DNAH11: variants seen among roughly 807,000 people sequenced by gnomAD.
The protein encoded by DNAH11 is dynein axonemal heavy chain 11, also known as axonemal beta dynein heavy chain 11.
DNAH11 carries 442 observed loss-of-function variants against 526.0 expected under a neutral mutation model. The observed-to-expected ratio is 0.84, with a 90% CI of 0.78 to 0.91. The LOEUF (loss-of-function observed/expected upper bound fraction) is 0.91, where lower values mean the gene tolerates loss of function less well. DNAH11 is among the 40% of genes least tolerant of loss of function. DNAH11 has a pLI of 0.00. For missense variants in DNAH11, 6,989 were observed against 5,448.7 expected, an observed-to-expected ratio of 1.28 and a Z score of -8.90; for synonymous variants, 2,461 against 1,935.9, an observed-to-expected ratio of 1.27 and a Z score of -7.12.
chr7:21,719,721 A>C (rs1784803310), intron 43 of DNAH11, among the ~76,000 whole-genome samples: 1 of 152,224 alleles, frequency 6.6e-6, no homozygotes, highest in Non-Finnish European at 1.5e-5. Context: ...ATTTAAATGA[A>C]AAGTATTTCC....
At chr7:21,606,830 G>A in intron 20 of DNAH11, 97 bp downstream of exon 20, 2 of 1,068,756 alleles carry the variant, frequency 1.9e-6, no homozygotes, top group Non-Finnish European at 2.7e-6. Context: ...TCTTTGTTTT[G>A]CTGTTATAGG....
chr7:21,765,371 T>C (rs956921662), intron 54 of DNAH11, 57 bp from the exon 55 acceptor site: 1 of 1,609,106 alleles, frequency 6.2e-7, no homozygotes, highest in Non-Finnish European at 8.5e-7. Context: ...GATTGCAATG[T>C]AATTCTCTGC....
At chr7:21,679,238 G>A (rs1783041466) in intron 30 of DNAH11, among the ~76,000 whole-genome samples, 1 of 152,156 alleles carries the variant, frequency 6.6e-6, no homozygotes, top group South Asian at 2.1e-4. Context: ...AGAGGATAGG[G>A]ATGGGGGAAA....
At chr7:21,888,908 C>A (rs190960057) in intron 76 of DNAH11, among the ~76,000 whole-genome samples, 1 of 152,232 alleles carries the variant, frequency 6.6e-6, no homozygotes, top group African/African-American at 2.4e-5. Flanking sequence ...AATTTGCACA[C>A]TGTAACATTT....
At position 21,635,715 on chromosome 7, in the gene DNAH11, C is replaced by T. The variant is rs1287574894; in HGVS notation, c.4501-156C>T. ...ATTTACTACCATTAATTCACTCATT[C>T]ACTCATTTAGCAAAAACTTATTAAA... On this transcript the variant is annotated intron_variant, in intron 25 of 81. Transcript: ENST00000409508. 3.9e-5 allele frequency among the ~76,000 whole-genome samples: 6 copies of T among 152,130 alleles called. No individual in the cohort carries two copies. The South Asian group carries it at 6.2e-4, about 16-fold the overall frequency.
Position 21,816,637 on chromosome 7 carries a change from G to A in DNAH11, c.10503G>A (p.Gln3501=). 7 of 1,613,686 alleles carry A rather than the reference G, an allele frequency of 4.3e-6. No homozygotes were observed. The highest frequency in any genetic ancestry group is 5.1e-6 in the Non-Finnish European group (6 of 1,179,790). Residue 3501 remains glutamine (Q), a synonymous_variant, in exon 64 of 82, where the codon CAG becomes CAA. Coordinates refer to ENST00000409508, the MANE Select transcript of DNAH11 (RefSeq NM_001277115.2). The stretch of plus-strand genomic sequence containing the variant: ...CTCTGGTGATAGATCCCCAGCAACA[G>A]GGAATTAAGTGGATCAAGAATAAGT... The part of the protein sequence containing the change: ...RWPLVIDPQQ[Q]GIKWIKNKYG...
At position 21,901,016 on chromosome 7, in the gene DNAH11, G is replaced by A. The variant is rs1784790339; in HGVS notation, c.13313G>A (p.Trp4438Ter). ...TGTGTTTTTGCCATAGGCGCCCGCT[G>A]GGACACCCAAGCAGGAACCATTGTT... ...LHGLFMEGAR[W>*]DTQAGTIVEA... Residue 4438 changes from tryptophan to a stop codon, truncating the protein, a stop_gained, in exon 82 of 82, where the codon TGG becomes TAG. Coordinates refer to ENST00000409508, the MANE Select transcript of DNAH11 (RefSeq NM_001277115.2). LOFTEE classifies it high-confidence loss of function. 4.4e-6 allele frequency: 7 copies of A among 1,593,368 alleles called. No individual in the cohort carries two copies. Among genetic ancestry groups the A allele is most frequent in the Non-Finnish European group, 6.0e-6 (7 of 1,169,502 alleles).
intron 65 of DNAH11, among the ~76,000 whole-genome samples, chr7:21,822,191 T>C (rs1790083214): frequency 6.6e-6 from 1 of 152,130 alleles, no homozygotes; most frequent in South Asian, 2.1e-4. Context: ...TTGATTTAAC[T>C]CATGGTTCTG....
At position 21,739,688 on chromosome 7, in the gene DNAH11, ACTG is replaced by A. The variant is rs751334482; in HGVS notation, c.7914+18_7914+20del. ...CCAGGCTACAGGTAGGGTGTTGAAT[ACTG>A]CTCTCAAAAACTGTAGGTCTGTATT... On this transcript the variant is annotated intron_variant, in intron 48 of 81. Coordinates refer to ENST00000409508, the MANE Select transcript of DNAH11 (RefSeq NM_001277115.2). The A allele has an allele frequency of 3.1e-6, 5 of 1,589,296 alleles. No homozygotes were observed. In the East Asian group the frequency reaches 1.1e-4, roughly 36 times the overall value.
intron 79 of DNAH11, among the ~76,000 whole-genome samples, chr7:21,896,952 G>GTAGTCCTAGC (rs1345377011): frequency 1.1e-4 from 16 of 152,226 alleles, no homozygotes; most frequent in Middle Eastern, 3.4e-3. Flanking sequence ...GCATGCGACT[G>GTAGTCCTAGC]TAGTCCTAGC....
rs1782249713 is a variant in DNAH11 at position 21,842,564 on chromosome 7, A to G, written c.10712A>G (p.Lys3571Arg). The G allele has an allele frequency of 6.2e-7, 1 of 1,613,774 alleles. No homozygotes were observed. The highest frequency in any genetic ancestry group is 1.3e-5 in the African/African-American group (1 of 74,918). The part of the protein sequence containing the change: ...KKGKYIRIGD[K>R]ECEFNKNFRL... ...TTTAGGTATATCAGGATTGGAGATA[A>G]AGAATGTGAATTTAACAAGAACTTT... Residue 3571 changes from lysine to arginine, a missense_variant, in exon 66 of 82, where the codon AAA (lysine) becomes AGA (arginine). By Grantham distance (26) the Lys-to-Arg change is conservative. Coordinates refer to ENST00000409508, the MANE Select transcript of DNAH11 (RefSeq NM_001277115.2).
chr7:21,628,025 A>G (rs1352254516), intron 25 of DNAH11, among the ~76,000 whole-genome samples: 1 of 152,000 alleles, frequency 6.6e-6, no homozygotes, highest in Non-Finnish European at 1.5e-5. Flanking sequence ...TTTGATTCCT[A>G]CATAGTTGAT....
intron 30 of DNAH11, among the ~76,000 whole-genome samples, chr7:21,668,711 G>A (rs973666439): frequency 1.3e-5 from 2 of 152,104 alleles, no homozygotes; most frequent in African/African-American, 4.8e-5. Context: ...TTGTATACGT[G>A]TACCACAATT....
chr7:21,795,353 TC>T (rs1269999974), intron 61 of DNAH11, among the ~76,000 whole-genome samples: 3 of 152,152 alleles, frequency 2.0e-5, no homozygotes, highest in African/African-American at 7.2e-5. Flanking sequence ...CTGCTAATTC[TC>T]CCTGTTCTCC....
chr7:21,580,668 A>C (rs1784274674), intron 8 of DNAH11, among the ~76,000 whole-genome samples: 1 of 152,158 alleles, frequency 6.6e-6, no homozygotes, highest in Non-Finnish European at 1.5e-5. Context: ...TACTTGGTGG[A>C]AGGATGGAGG....
chr7:21,857,589 T>G (rs768979512), intron 68 of DNAH11, among the ~76,000 whole-genome samples: 1 of 152,008 alleles, frequency 6.6e-6, no homozygotes, highest in Non-Finnish European at 1.5e-5. Flanking sequence ...GACTTAAATC[T>G]ACACGAATCA....
At chr7:21,576,644 A>G (rs1051222712) in intron 8 of DNAH11, among the ~76,000 whole-genome samples, 7 of 152,236 alleles carry the variant, frequency 4.6e-5, no homozygotes, top group African/African-American at 1.4e-4. Flanking sequence ...TTTTGTGGGC[A>G]TAAATTAGCC....
At chr7:21,547,084 A>G (rs760829316) in intron 2 of DNAH11, among the ~76,000 whole-genome samples, 2 of 152,218 alleles carry the variant, frequency 1.3e-5, no homozygotes, top group Non-Finnish European at 2.9e-5. Context: ...CAACTAAAAT[A>G]AGACAAAACC....
intron 46 of DNAH11, among the ~76,000 whole-genome samples, chr7:21,738,312 C>T (rs995513206): frequency 6.6e-6 from 1 of 152,174 alleles, no homozygotes; most frequent in South Asian, 2.1e-4. Context: ...TCAGACTCTT[C>T]CGCAGAGATG....
Sources: allele counts gnomAD v4.1 joint callset (sites outside exome capture counted in the v4.1 genomes callset), GRCh38; gene constraint gnomAD v4.1.1; transcripts MANE v1.5; gene names NCBI Gene and HGNC (gene_info 2026-07-23, HGNC 2026-07-21).